Variants in PSG3 observed in about 807,000 individuals in gnomAD.
PSG3 encodes the protein pregnancy-specific beta-1-glycoprotein 3.
Under a neutral mutation model 47.5 loss-of-function variants are expected in PSG3, and 61 were observed. That is an observed-to-expected ratio of 1.28 (90% confidence interval 1.05 to 1.59). PSG3 has a LOEUF of 1.59. PSG3 is among the 40% of genes most tolerant of loss of function. PSG3 has a pLI of 0.00. For missense variants in PSG3, 756 were observed against 524.0 expected (o/e 1.44, Z -4.32); for synonymous variants, 263 against 198.4 (o/e 1.33, Z -2.74).
chr19:42,737,546 A>G (rs1397408028), intron 2 of PSG3, among the ~76,000 whole-genome samples: 1 of 152,138 alleles, frequency 6.6e-6, no homozygotes, highest in Non-Finnish European at 1.5e-5. Context: ...TGTTTTTTCC[A>G]CTGACTCTGA....
chr19:42,736,531 AT>A (rs1310956494), intron 2 of PSG3, among the ~76,000 whole-genome samples: 1 of 152,050 alleles, frequency 6.6e-6, no homozygotes, highest in Non-Finnish European at 1.5e-5. Flanking sequence ...GATTTGAGTA[AT>A]AATAAACCTC....
At position 42,729,304 on chromosome 19, in the gene PSG3, G is replaced by A. The variant is rs1969429605; in HGVS notation, c.1062C>T (p.Cys354=). The A allele has an allele frequency of 1.9e-6, 3 of 1,614,160 alleles. No individual in the cohort carries two copies. Among genetic ancestry groups the A allele is most frequent in the Admixed American group, 1.7e-5 (1 of 60,030 alleles). ...CTGCTGGTGGGTTAGAGTCCGCGAA[G>A]CAGGACAAGTAGAGGTTTTCTCCTG... ...YHSGENLYLS[C]FADSNPPAEY... The change falls in exon 5 of 7, where the codon TGC becomes TGT. Residue 354 remains cysteine (C), a synonymous_variant. Coordinates refer to ENST00000327495, the MANE Select transcript of PSG3 (RefSeq NM_021016.4).
At chr19:42,731,566 A>G (rs1334217319) in intron 3 of PSG3, among the ~76,000 whole-genome samples, 5 of 152,000 alleles carry the variant, frequency 3.3e-5, no homozygotes, top group African/African-American at 9.7e-5. Context: ...CCACCTTTTC[A>G]TGGTTGCCTC....
Position 42,728,086 on chromosome 19 carries a change from G to A in PSG3, c.1243+1037C>T, listed in dbSNP as rs1969404827. On this transcript the variant is annotated intron_variant, in intron 5 of 6. Transcript: ENST00000327495. Reference sequence around the variant, plus strand: ...TAGAATAGCCAGTTACATAGAGACAGAAAGTAGAATGGTGGGTGCTAAGGT... The same window carrying A: ...TAGAATAGCCAGTTACATAGAGACAAAAAGTAGAATGGTGGGTGCTAAGGT... Among the ~76,000 whole-genome samples the A allele has an allele frequency of 2.6e-5, 4 of 152,272 alleles. No homozygotes were observed. The South Asian group carries it at 8.3e-4, about 32-fold the overall frequency.
At chr19:42,729,669 A>C in intron 4 of PSG3, 109 bp downstream of exon 4, 1 of 1,561,472 alleles carries the variant, frequency 6.4e-7, no homozygotes, top group East Asian at 2.2e-5. Context: ...TCGGATGTCC[A>C]GAAGTAATGG....
chr19:42,734,927 A>G (rs1831630001), intron 2 of PSG3, among the ~76,000 whole-genome samples: 1 of 152,234 alleles, frequency 6.6e-6, no homozygotes, highest in African/African-American at 2.4e-5. Context: ...AGGAAACACC[A>G]CTAGTGTTTA....
At chr19:42,736,395 A>C (rs1195243505) in intron 2 of PSG3, among the ~76,000 whole-genome samples, 1 of 152,162 alleles carries the variant, frequency 6.6e-6, no homozygotes, top group Non-Finnish European at 1.5e-5. Context: ...AGGTGGATTC[A>C]AGCACAAACA....
At chr19:42,723,492 C>T (rs1322918485) in intron 6 of PSG3, among the ~76,000 whole-genome samples, 2 of 151,912 alleles carry the variant, frequency 1.3e-5, no homozygotes, top group Non-Finnish European at 2.9e-5. Flanking sequence ...TAGAGTAGAC[C>T]CCTGGAGATT....
Position 42,723,964 on chromosome 19 carries a change from G to A in PSG3, c.*18C>T, listed in dbSNP as rs1209584646. The A allele has an allele frequency of 1.9e-6, 3 of 1,601,958 alleles. No homozygotes were observed. Among genetic ancestry groups the A allele is most frequent in the Admixed American group, 3.3e-5 (2 of 60,000 alleles). On this transcript the variant is annotated 3_prime_UTR_variant, in exon 6 of 7. Coordinates refer to ENST00000327495, the MANE Select transcript of PSG3 (RefSeq NM_021016.4). Reference sequence around the variant, plus strand: ...TACCTGCCAGTCTTCCTGAAATACAGAAATGACATCACGGCTGCTATAATG... The same window carrying A: ...TACCTGCCAGTCTTCCTGAAATACAAAAATGACATCACGGCTGCTATAATG...
At position 42,729,149 on chromosome 19, in the gene PSG3, G is replaced by C. The variant is rs141177217; in HGVS notation, c.1217C>G (p.Ser406Cys). The C allele has an allele frequency of 9.8e-5, 158 of 1,613,834 alleles. No homozygotes were observed. Among genetic ancestry groups the C allele is most frequent in the Non-Finnish European group, 1.2e-4 (139 of 1,179,866 alleles). Residue 406 changes from serine to cysteine, a missense_variant, in exon 5 of 7, where the codon TCC (serine) becomes TGC (cysteine). Ser to Cys is a moderately radical substitution (Grantham distance 112). Coordinates refer to ENST00000327495, the MANE Select transcript of PSG3 (RefSeq NM_021016.4). Reference protein sequence around the residue: ...VRNSATGMESSKSMTVKVSAP... With the variant: ...VRNSATGMESCKSMTVKVSAP... ...AGAGACTTTGACTGTCATGGATTTG[G>C]AGCTTTCCATGCCAGTGGCTGAGTT...
intron 3 of PSG3, among the ~76,000 whole-genome samples, chr19:42,730,701 G>C (rs1969459117): frequency 6.6e-6 from 1 of 152,212 alleles, no homozygotes; most frequent in Admixed American, 6.5e-5. Context: ...GACCTCTAAA[G>C]ATAGAGCAGA....
chr19:42,726,960 C>T (rs1367971339), intron 5 of PSG3, among the ~76,000 whole-genome samples: 2 of 152,106 alleles, frequency 1.3e-5, no homozygotes, highest in Non-Finnish European at 2.9e-5. Flanking sequence ...AATATAATAA[C>T]CCAGAAAGAA....
intron 5 of PSG3, among the ~76,000 whole-genome samples, chr19:42,727,079 G>C (rs1180405536): frequency 6.6e-6 from 1 of 152,132 alleles, no homozygotes; most frequent in East Asian, 1.9e-4. Flanking sequence ...ATATCCAAGG[G>C]CAAGAACAGT....
chr19:42,727,338 A>G (rs1434966095), intron 5 of PSG3, among the ~76,000 whole-genome samples: 1 of 152,142 alleles, frequency 6.6e-6, no homozygotes. Context: ...ACGAAATGAT[A>G]AAAATATTTG....
chr19:42,738,275 A>G (rs562543333), intron 2 of PSG3, among the ~76,000 whole-genome samples: 1 of 152,172 alleles, frequency 6.6e-6, no homozygotes, highest in Non-Finnish European at 1.5e-5. Flanking sequence ...AGAAGCGACA[A>G]CCCAGCCCCA....
Position 42,739,044 on chromosome 19 carries a change from G to C in PSG3, c.110C>G (p.Thr37Arg). 6.2e-7 allele frequency: 1 copy of C among 1,612,948 alleles called. No individual in the cohort carries two copies. The highest frequency in any genetic ancestry group is 1.1e-5 in the South Asian group (1 of 91,042). The change falls in exon 2 of 7, where the codon ACG (threonine) becomes AGG (arginine). Residue 37 changes from threonine to arginine, a missense_variant. Transcript: ENST00000327495. ...AACTTTGGTTGGCTCGGCTTCAATCGTGACTTGGGCAGTGGTAGGCAAGTT... is the reference window on the plus strand; with the variant it reads ...AACTTTGGTTGGCTCGGCTTCAATCCTGACTTGGGCAGTGGTAGGCAAGTT... ...FWNLPTTAQVTIEAEPTKVSK... is the reference protein window; with the variant it reads ...FWNLPTTAQVRIEAEPTKVSK...
chr19:42,726,230 G>C (rs1266204807), intron 5 of PSG3, among the ~76,000 whole-genome samples: 1 of 152,116 alleles, frequency 6.6e-6, no homozygotes, highest in Non-Finnish European at 1.5e-5. Flanking sequence ...GTATGAGCAG[G>C]AACAAGACAA....
At position 42,729,263 on chromosome 19, in the gene PSG3, AT is replaced by A. The variant is rs781374712; in HGVS notation, c.1102del (p.Ile368LeufsTer42). 1 of 1,613,976 alleles carries A rather than the reference AT, an allele frequency of 6.2e-7. No individual in the cohort carries two copies. The highest frequency in any genetic ancestry group is 1.3e-5 in the African/African-American group (1 of 74,928). ...SNPPAEYSWTINGKFQLSGQK... is the reference protein window; with the variant it reads ...SNPPAEYSWTXNGKFQLSGQK... ...TCCTGATAGCTGAAACTTCCCATTA[AT>A]TGTCCAAGAATATTCTGCTGGTGGG... On this transcript the variant is annotated frameshift_variant, in exon 5 of 7. Transcript: ENST00000327495. LOFTEE classifies it high-confidence loss of function.
At chr19:42,730,465 C>T (rs1051912728) in intron 3 of PSG3, among the ~76,000 whole-genome samples, 5 of 152,212 alleles carry the variant, frequency 3.3e-5, no homozygotes, top group East Asian at 1.9e-4. Flanking sequence ...GATTTCTCTG[C>T]AACTTCCATT....
Sources: gnomAD v4.1 joint callset for allele counts (sites outside exome capture counted in the v4.1 genomes callset) on GRCh38, gnomAD v4.1.1 for gene constraint, MANE v1.5 for transcripts, NCBI Gene and HGNC (gene_info 2026-07-23, HGNC 2026-07-21) for gene names.